HACD3: variants seen among roughly 807,000 people sequenced by gnomAD.
The protein encoded by HACD3 is 3-hydroxyacyl-CoA dehydratase 3.
A neutral mutation model predicts 55.2 loss-of-function variants in HACD3; 30 were observed. That is an observed-to-expected ratio of 0.54 (90% CI 0.41 to 0.74). The LOEUF is 0.74. Ranked by LOEUF, HACD3 falls within the 30% of genes least tolerant of loss-of-function variation. The pLI is 0.00. For missense variants in HACD3, 363 were observed against 440.1 expected, an observed-to-expected ratio of 0.82 and a Z score of 1.57; for synonymous variants, 141 against 151.7, an observed-to-expected ratio of 0.93 and a Z score of 0.52.
At chr15:65,543,420 T>C (rs557191467) in intron 1 of HACD3, among the ~76,000 whole-genome samples, 5 of 152,288 alleles carry the variant, frequency 3.3e-5, no homozygotes, top group Admixed American at 2.0e-4. Flanking sequence ...TTATTGTTGG[T>C]AAAAAATATT....
rs756194168 is a variant in HACD3 at position 65,562,934 on chromosome 15, C to T, written c.532+50C>T. On this transcript the variant is annotated intron_variant, in intron 6 of 10. Transcript: ENST00000261875. ...TTTTCCCTTTCTCAGTAGTTTGGCC[C>T]AGTATTCACCAAAGGGAGCACTCTC... 4 of 1,595,768 alleles carry T rather than the reference C, an allele frequency of 2.5e-6. No homozygotes were observed. The Admixed American group carries it at 5.3e-5, about 21-fold the overall frequency.
intron 1 of HACD3, among the ~76,000 whole-genome samples, chr15:65,545,263 A>G (rs1325585592): frequency 6.6e-6 from 1 of 152,230 alleles, no homozygotes; most frequent in African/African-American, 2.4e-5. Context: ...TAAGGATGCC[A>G]TAAGTAACCA....
At position 65,576,495 on chromosome 15, in the gene HACD3, G is replaced by A; in HGVS notation, c.*116G>A. 9.1e-7 allele frequency: 1 copy of A among 1,095,506 alleles called. No individual in the cohort carries two copies. Among genetic ancestry groups the A allele is most frequent in the South Asian group, 1.6e-5 (1 of 61,154 alleles). The allele number at this position is 1,095,506 out of a possible 1,614,324, so 67.9% of individuals were successfully genotyped here. A position where few individuals can be genotyped will look rare whatever the true frequency, so the allele number is the denominator to read the frequency against. On this transcript the variant is annotated 3_prime_UTR_variant, in exon 11 of 11. Transcript: ENST00000261875. ...TGTTAAATGATTAAATTCTCAGTGA[G>A]GCTATCTTCCTTTTCCCCAGTAACA...
chr15:65,556,473 C>CTGGAGAGCGAGTG (rs2072191112), intron 3 of HACD3, among the ~76,000 whole-genome samples: 1 of 151,722 alleles, frequency 6.6e-6, no homozygotes, highest in South Asian at 2.1e-4. Context: ...GAGAGCGAGT[C>CTGGAGAGCGAGTG]TAAATATAGG....
intron 1 of HACD3, chr15:65,535,698 C>CTTT: frequency 1.7e-4 from 70 of 416,504 alleles, no homozygotes; most frequent in South Asian, 1.1e-3. Flanking sequence ...TTGATGTTAA[C>CTTT]TTTTTTTTTT....
Position 65,530,499 on chromosome 15 carries a change from C to T in HACD3, c.-133C>T, listed in dbSNP as rs1024320092. 2.8e-5 allele frequency: 21 copies of T among 739,606 alleles called. No homozygotes were observed. In the East Asian group the frequency reaches 6.8e-4, roughly 24 times the overall value. The allele number at this position is 739,606 out of a possible 1,614,324, so 45.8% of individuals were successfully genotyped here. A position where few individuals can be genotyped will look rare whatever the true frequency, so the allele number is the denominator to read the frequency against. ...GGCGCGGCCCGCGAGCGTGGGGTAT[C>T]TCGAGGTGCCGGGTTGCAGGCGCTC... On this transcript the variant is annotated 5_prime_UTR_variant, in exon 1 of 11. Coordinates refer to ENST00000261875, the MANE Select transcript of HACD3 (RefSeq NM_016395.4).
At chr15:65,546,390 A>G (rs1277921324) in intron 1 of HACD3, among the ~76,000 whole-genome samples, 2 of 152,220 alleles carry the variant, frequency 1.3e-5, no homozygotes, top group Non-Finnish European at 2.9e-5. Context: ...ATAATTTCTT[A>G]GGAGAGGAAA....
chr15:65,565,778 T>G (rs1375208278), intron 7 of HACD3: 3 of 152,258 alleles, frequency 2.0e-5, no homozygotes. Context: ...TCCTTGCTAC[T>G]TGTGCAAATT....
At position 65,551,706 on chromosome 15, in the gene HACD3, C is replaced by T; in HGVS notation, c.118C>T (p.Leu40=). The T allele has an allele frequency of 6.2e-7, 1 of 1,613,974 alleles. No individual in the cohort carries two copies. Among genetic ancestry groups the T allele is most frequent in the East Asian group, 2.2e-5 (1 of 44,880 alleles). The change falls in exon 2 of 11, where the codon CTG becomes TTG. Residue 40 remains leucine, a synonymous_variant. Coordinates refer to ENST00000261875, the MANE Select transcript of HACD3 (RefSeq NM_016395.4). ...NPAISITENV[L]HFKAQGHGAK... is the part of the protein sequence containing the mutation. ...TGCCATCAGCATCACTGAAAACGTG[C>T]TGCATTTCAAAGGTCAGTATCCCAG...
chr15:65,566,605 CT>C (rs2072295219), intron 7 of HACD3: 1 of 152,376 alleles, frequency 6.6e-6, no homozygotes, highest in Non-Finnish European at 1.5e-5. Flanking sequence ...TTACCTCCCC[CT>C]GGGTCCCTTC....
chr15:65,531,956 C>T (rs2071905426), intron 1 of HACD3, among the ~76,000 whole-genome samples: 2 of 152,102 alleles, frequency 1.3e-5, no homozygotes, highest in African/African-American at 4.8e-5. Flanking sequence ...ATTTAACTCT[C>T]TCTGCCTCTG....
rs2072193580 is a variant in HACD3, at chr15:65,556,674, C to G, written c.205-65C>G. 2.0e-6 allele frequency: 3 copies of G among 1,491,462 alleles called. No individual in the cohort carries two copies. In the African/African-American group the frequency reaches 4.2e-5, roughly 21 times the overall value. 92.4% of individuals were successfully genotyped at this position (1,491,462 alleles called of 1,614,324 possible). A position where few individuals can be genotyped will look rare whatever the true frequency, so the allele number is the denominator to read the frequency against. ...ATCCTGCAGCTTCTATGTACGGCGC[C>G]CCTGGCATGGTGCTGCTTCAGGGAA... On this transcript the variant is annotated intron_variant, in intron 3 of 10. Transcript: ENST00000261875.
At chr15:65,542,721 T>C (rs748950097) in intron 1 of HACD3, among the ~76,000 whole-genome samples, 2 of 152,204 alleles carry the variant, frequency 1.3e-5, no homozygotes, top group African/African-American at 2.4e-5. Context: ...GAGGAAATCA[T>C]TTTATAAAGT....
chr15:65,534,106 A>G (rs1185943102), intron 1 of HACD3, among the ~76,000 whole-genome samples: 1 of 151,968 alleles, frequency 6.6e-6, no homozygotes, highest in Non-Finnish European at 1.5e-5. Context: ...GAAGCACTTC[A>G]TTTATTTGTT....
chr15:65,535,886 C>A, intron 1 of HACD3: 1 of 543,610 alleles, frequency 1.8e-6, no homozygotes, highest in Non-Finnish European at 3.3e-6. Flanking sequence ...GGTGGGGTCT[C>A]ATTATGTTGG....
At chr15:65,555,740 C>T (rs990673448) in intron 3 of HACD3, among the ~76,000 whole-genome samples, 7 of 152,136 alleles carry the variant, frequency 4.6e-5, no homozygotes, top group African/African-American at 1.4e-4. Context: ...GGAAGACTCC[C>T]CAAATTGACC....
chr15:65,533,958 G>A (rs1216869587), intron 1 of HACD3, among the ~76,000 whole-genome samples: 1 of 151,762 alleles, frequency 6.6e-6, no homozygotes, highest in Non-Finnish European at 1.5e-5. Flanking sequence ...GGCTGAGGCA[G>A]GAGAATGGCG....
chr15:65,562,477 A>G (rs897048658), intron 5 of HACD3, among the ~76,000 whole-genome samples: 3 of 152,228 alleles, frequency 2.0e-5, no homozygotes, highest in Admixed American at 1.3e-4. Flanking sequence ...TACACATATC[A>G]TAATATCACA....
chr15:65,552,318 A>G (rs918926155), intron 2 of HACD3, among the ~76,000 whole-genome samples: 2 of 152,156 alleles, frequency 1.3e-5, no homozygotes, highest in Non-Finnish European at 2.9e-5. Flanking sequence ...TTATTATGGA[A>G]ACATAAAATA....
Sources: allele counts gnomAD v4.1 joint callset (sites outside exome capture counted in the v4.1 genomes callset), GRCh38; gene constraint gnomAD v4.1.1; transcripts MANE v1.5; gene names NCBI Gene and HGNC (gene_info 2026-07-23, HGNC 2026-07-21).